The following FNDC3B variants were observed in gnomAD, a reference collection of about 807,000 sequenced individuals.
The protein encoded by FNDC3B is fibronectin type III domain-containing protein 3B.
FNDC3B carries 12 observed loss-of-function variants against 151.5 expected under a neutral mutation model. That is an observed-to-expected ratio of 0.08 (90% CI 0.05 to 0.13). The LOEUF is 0.13. Among genes scored for constraint, FNDC3B ranks in the 10% least tolerant of loss-of-function variants. The probability of loss-of-function intolerance (pLI) is 1.00; values close to 1 mark genes in which losing one functional copy is unlikely to be tolerated. For missense variants in FNDC3B, 1,214 were observed against 1,505.3 expected (o/e 0.81, Z 3.20); for synonymous variants, 528 against 549.0 (o/e 0.96, Z 0.54).
intron 11 of FNDC3B, among the ~76,000 whole-genome samples, chr3:172,318,010 T>A (rs760982554): frequency 6.6e-6 from 1 of 152,130 alleles, no homozygotes; most frequent in African/African-American, 2.4e-5. Context: ...GAAGTTCACA[T>A]CTGGATACAC....
At chr3:172,300,464 A>T (rs925992234) in intron 9 of FNDC3B, among the ~76,000 whole-genome samples, 3 of 150,860 alleles carry the variant, frequency 2.0e-5, no homozygotes, top group Admixed American at 6.6e-5. Context: ...TGTTCCATTT[A>T]TTTTTTTTTT....
intron 1 of FNDC3B, among the ~76,000 whole-genome samples, chr3:172,056,024 G>T (rs886986476): frequency 6.6e-6 from 1 of 151,942 alleles, no homozygotes; most frequent in Non-Finnish European, 1.5e-5. Flanking sequence ...CTCGTGATCC[G>T]CCCGCCTCGG....
chr3:172,076,488 G>C (rs1398897624), intron 1 of FNDC3B, among the ~76,000 whole-genome samples: 1 of 152,210 alleles, frequency 6.6e-6, no homozygotes, highest in Non-Finnish European at 1.5e-5. Flanking sequence ...ATTGTAGACT[G>C]TCAGGCATTT....
At chr3:172,184,893 G>A (rs1232893866) in intron 3 of FNDC3B, among the ~76,000 whole-genome samples, 1 of 152,000 alleles carries the variant, frequency 6.6e-6, no homozygotes, top group Non-Finnish European at 1.5e-5. Context: ...GTCTTTTCTT[G>A]TATCCCTTTT....
chr3:172,093,123 C>CT (rs1491478462), intron 1 of FNDC3B, among the ~76,000 whole-genome samples: 1 of 150,498 alleles, frequency 6.6e-6, no homozygotes. Flanking sequence ...TGGCCAGAAT[C>CT]TTTTTTTAGA....
intron 1 of FNDC3B, among the ~76,000 whole-genome samples, chr3:172,094,989 G>C (rs191989843): frequency 1.7e-4 from 26 of 152,074 alleles, no homozygotes; most frequent in African/African-American, 6.0e-4. Context: ...GTTGCTGCTG[G>C]TGGTGGTAAT....
chr3:172,070,704 A>G (rs1200349248), intron 1 of FNDC3B, among the ~76,000 whole-genome samples: 1 of 152,242 alleles, frequency 6.6e-6, no homozygotes, highest in Non-Finnish European at 1.5e-5. Flanking sequence ...AAATTTGAAC[A>G]TAGACAAAAG....
chr3:172,105,839 G>A (rs1719619335), intron 1 of FNDC3B, among the ~76,000 whole-genome samples: 1 of 150,930 alleles, frequency 6.6e-6, no homozygotes, highest in African/African-American at 2.4e-5. Context: ...ATTTTTAGTA[G>A]AGAAGGAAAT....
At chr3:172,224,222 T>A (rs1209954421) in intron 3 of FNDC3B, among the ~76,000 whole-genome samples, 1 of 152,258 alleles carries the variant, frequency 6.6e-6, no homozygotes, top group Non-Finnish European at 1.5e-5. Flanking sequence ...TCTCGTTGGC[T>A]GTGTCAAAAA....
Position 172,074,898 on chromosome 3 carries a change from C to CT in FNDC3B, c.-29+35130dup, listed in dbSNP as rs367738855. 7.0e-4 allele frequency among the ~76,000 whole-genome samples: 106 copies of CT among 152,332 alleles called. 1 individual carries two copies. The highest frequency in any genetic ancestry group is 2.5e-3 in the African/African-American group (103 of 41,574). ...TGCCAACTTCCTTCCAATAACAAAA[C>CT]TTTCTTGCCTTGCACGAGTGAAAGC... On this transcript the variant is annotated intron_variant, in intron 1 of 25. Transcript: ENST00000415807.
At chr3:172,100,298 A>T (rs1719320253) in intron 1 of FNDC3B, among the ~76,000 whole-genome samples, 1 of 152,254 alleles carries the variant, frequency 6.6e-6, no homozygotes, top group South Asian at 2.1e-4. Context: ...AAATTGTATT[A>T]GTATAAATTA....
chr3:172,226,418 ATAATC>A (rs1217073984), intron 3 of FNDC3B, among the ~76,000 whole-genome samples: 1 of 152,178 alleles, frequency 6.6e-6, no homozygotes, highest in Non-Finnish European at 1.5e-5. Context: ...TTTATTAAAA[ATAATC>A]TAACTGAAAA....
At chr3:172,347,731 C>A (rs561533081) in intron 21 of FNDC3B, among the ~76,000 whole-genome samples, 54 of 152,098 alleles carry the variant, frequency 3.6e-4, no homozygotes, top group Non-Finnish European at 6.8e-4. Context: ...GGGAAAGACT[C>A]TTAGAACTGG....
chr3:172,330,435 A>G (rs1162455520), intron 12 of FNDC3B, 106 bp from the exon 13 acceptor site: 2 of 960,122 alleles, frequency 2.1e-6, no homozygotes, highest in Admixed American at 4.9e-5. Flanking sequence ...TGCTTACTCT[A>G]CCTGCTAGGC....
At chr3:172,258,731 G>T (rs765472493) in intron 6 of FNDC3B, among the ~76,000 whole-genome samples, 4 of 152,176 alleles carry the variant, frequency 2.6e-5, no homozygotes, top group Non-Finnish European at 5.9e-5. Context: ...TGTTAATAAG[G>T]TCTGGAATGT....
chr3:172,061,473 C>A (rs2108472262), intron 1 of FNDC3B, among the ~76,000 whole-genome samples: 1 of 152,140 alleles, frequency 6.6e-6, no homozygotes, highest in African/African-American at 2.4e-5. Flanking sequence ...ACCTCGTGAT[C>A]CTCCCGCCTC....
intron 3 of FNDC3B, among the ~76,000 whole-genome samples, chr3:172,181,387 T>G (rs1404500545): frequency 9.7e-6 from 1 of 103,396 alleles, no homozygotes; most frequent in East Asian, 2.6e-4. Context: ...AGAGTGAGAC[T>G]CTGTCTCCAA....
chr3:172,147,710 C>T (rs1721989767), intron 3 of FNDC3B, among the ~76,000 whole-genome samples: 1 of 152,096 alleles, frequency 6.6e-6, no homozygotes, highest in African/African-American at 2.4e-5. Flanking sequence ...ATTTGTATTT[C>T]TGAGATGTTC....
intron 25 of FNDC3B, among the ~76,000 whole-genome samples, chr3:172,391,381 G>A (rs1051946661): frequency 1.4e-4 from 21 of 152,044 alleles, no homozygotes; most frequent in Admixed American, 1.4e-3. Context: ...GAAAACTAAG[G>A]CACAAAGCTG....
Sources: gnomAD v4.1 joint callset for allele counts (sites outside exome capture counted in the v4.1 genomes callset) on GRCh38, gnomAD v4.1.1 for gene constraint, MANE v1.5 for transcripts, NCBI Gene and HGNC (gene_info 2026-07-23, HGNC 2026-07-21) for gene names.